The following RSBN1L variants were observed in gnomAD, a reference collection of about 807,000 sequenced individuals.
RSBN1L encodes the protein lysine-specific demethylase RSBN1L.
RSBN1L carries 30 observed loss-of-function variants against 67.7 expected under a neutral mutation model. The ratio of observed to expected loss-of-function variants is 0.44; its 90% CI spans 0.33 to 0.60. The LOEUF is 0.60. RSBN1L is among the 20% of genes least tolerant of loss of function. The pLI, the probability that RSBN1L is intolerant of heterozygous loss-of-function variation, is 0.02. For synonymous variants in RSBN1L, 433 were observed against 387.0 expected (o/e 1.12, Z -1.39); for missense variants, 992 against 1,031.7 (o/e 0.96, Z 0.53).
At chr7:77,718,841 C>T (rs987152011) in intron 1 of RSBN1L, among the ~76,000 whole-genome samples, 1 of 152,168 alleles carries the variant, frequency 6.6e-6, no homozygotes, top group Admixed American at 6.5e-5. Context: ...CTCTGCTTCA[C>T]GCAGTGTTGA....
intron 1 of RSBN1L, among the ~76,000 whole-genome samples, chr7:77,722,382 A>C (rs1791131022): frequency 6.6e-6 from 1 of 152,126 alleles, no homozygotes; most frequent in Non-Finnish European, 1.5e-5. Context: ...TATGAGAATG[A>C]GGGAGGAGTC....
chr7:77,754,377 G>A (rs151322298), intron 3 of RSBN1L, among the ~76,000 whole-genome samples: 3 of 152,110 alleles, frequency 2.0e-5, no homozygotes, highest in Non-Finnish European at 4.4e-5. Flanking sequence ...GGGTAGAATC[G>A]ATGCCTTTAC....
chr7:77,735,925 A>G (rs922073890), intron 1 of RSBN1L, among the ~76,000 whole-genome samples: 3 of 152,132 alleles, frequency 2.0e-5, no homozygotes, highest in Non-Finnish European at 4.4e-5. Context: ...AGTCTTATGT[A>G]TGCCAGGCTC....
At chr7:77,767,820 TCCC>T (rs1183430485) in intron 4 of RSBN1L, among the ~76,000 whole-genome samples, 15 of 27,898 alleles carry the variant, frequency 5.4e-4, no homozygotes, top group African/African-American at 1.9e-3. Flanking sequence ...CTCTGCCCCC[TCCC>T]CCCTTCTCCC....
intron 6 of RSBN1L, among the ~76,000 whole-genome samples, chr7:77,777,423 T>C (rs1040796084): frequency 1.6e-4 from 25 of 152,202 alleles, no homozygotes; most frequent in African/African-American, 5.5e-4. Context: ...TGTTATGCTG[T>C]TTTCTCGGTG....
At chr7:77,734,011 C>T (rs1406041700) in intron 1 of RSBN1L, among the ~76,000 whole-genome samples, 2 of 152,164 alleles carry the variant, frequency 1.3e-5, no homozygotes, top group African/African-American at 4.8e-5. Flanking sequence ...CCTGTAATCC[C>T]ATTTACTTGG....
In RSBN1L at chr7:77,782,123, A is replaced by G. The variant is rs1792007896; in HGVS notation, c.*2955A>G. ...AATTTTCACATCCTCTTCAGATACA[A>G]TCTGAGAACTTGTTGACTACCTTTG... On this transcript the variant is annotated 3_prime_UTR_variant, in exon 8 of 8. Coordinates refer to ENST00000334955, the MANE Select transcript of RSBN1L (RefSeq NM_198467.3). The G allele has an allele frequency of 6.6e-6, 1 of 152,132 alleles. No individual in the cohort carries two copies. The highest frequency in any genetic ancestry group is 1.5e-5 in the Non-Finnish European group (1 of 68,008). The allele number at this position is 152,132 out of a possible 1,614,324, so 9.4% of individuals were successfully genotyped here.
chr7:77,758,376 A>T (rs112029037), intron 3 of RSBN1L, among the ~76,000 whole-genome samples: 2 of 152,156 alleles, frequency 1.3e-5, no homozygotes, highest in African/African-American at 4.8e-5. Flanking sequence ...TACATAGTAG[A>T]TGTATATATT....
At chr7:77,771,990 T>C (rs6465816) in intron 5 of RSBN1L, among the ~76,000 whole-genome samples, 86,864 of 151,926 alleles carry the variant, frequency 0.57, 26,764 homozygotes, top group African/African-American at 0.82. Context: ...ATGGTATATA[T>C]GATAATAATA....
intron 3 of RSBN1L, among the ~76,000 whole-genome samples, chr7:77,753,646 T>C (rs1407914749): frequency 6.6e-6 from 1 of 152,244 alleles, no homozygotes; most frequent in Non-Finnish European, 1.5e-5. Context: ...CCATTTATGA[T>C]AACTGTTTCT....
At chr7:77,743,353 C>A (rs1005745000) in intron 2 of RSBN1L, among the ~76,000 whole-genome samples, 1 of 151,990 alleles carries the variant, frequency 6.6e-6, no homozygotes, top group Non-Finnish European at 1.5e-5. Context: ...AATCCCAGCA[C>A]TTTGGGAGGC....
intron 1 of RSBN1L, among the ~76,000 whole-genome samples, chr7:77,733,514 A>G (rs558343689): frequency 6.6e-6 from 1 of 152,336 alleles, no homozygotes; most frequent in South Asian, 2.1e-4. Flanking sequence ...TTCCTGTGTT[A>G]TGAAATTAAT....
At chr7:77,759,971 T>G (rs760710970) in intron 3 of RSBN1L, among the ~76,000 whole-genome samples, 5 of 152,210 alleles carry the variant, frequency 3.3e-5, no homozygotes, top group Non-Finnish European at 5.9e-5. Context: ...GGAACATGTT[T>G]TGGGAAACAG....
Position 77,697,593 on chromosome 7 carries a change from C to T in RSBN1L, c.586+538C>T, listed in dbSNP as rs147849250. On this transcript the variant is annotated intron_variant, in intron 1 of 7. Coordinates refer to ENST00000334955, the MANE Select transcript of RSBN1L (RefSeq NM_198467.3). ...TAGGGAAATGAGGTAGCGTGCAGGG[C>T]CCGAAGTGCGCTGTTTCGTAAGGTA... Among the ~76,000 whole-genome samples, 465 of 152,206 alleles carry T rather than the reference C, an allele frequency of 3.1e-3. 2 individuals are homozygous for T. The highest frequency in any genetic ancestry group is 5.4e-3 in the South Asian group (26 of 4,822).
chr7:77,705,985 C>T (rs1036761689), intron 1 of RSBN1L, among the ~76,000 whole-genome samples: 2 of 151,840 alleles, frequency 1.3e-5, no homozygotes, highest in African/African-American at 4.8e-5. Flanking sequence ...ACTGTAACCT[C>T]CACCTCCCAG....
intron 3 of RSBN1L, among the ~76,000 whole-genome samples, chr7:77,755,620 T>C (rs926288757): frequency 6.6e-6 from 1 of 151,998 alleles, no homozygotes; most frequent in African/African-American, 2.4e-5. Flanking sequence ...TGAACCGAGA[T>C]CGCGCCATTG....
In RSBN1L at chr7:77,749,818, T is replaced by C; in HGVS notation, c.1098T>C (p.Ser366=). 6.2e-7 allele frequency: 1 copy of C among 1,614,188 alleles called. No individual in the cohort carries two copies. Among genetic ancestry groups the C allele is most frequent in the Non-Finnish European group, 8.5e-7 (1 of 1,180,024 alleles). Residue 366 remains serine, a synonymous_variant, in exon 3 of 8, where the codon AGT becomes AGC. Coordinates refer to ENST00000334955, the MANE Select transcript of RSBN1L (RefSeq NM_198467.3). ...NGGASVIHAY[S]NELSHLSPME... is the part of the protein sequence containing the mutation. ...GTGCATCGGTTATCCATGCCTACAGTAACGAACTCTCCCACCTGTCTCCTA... is the reference window on the plus strand; with the variant it reads ...GTGCATCGGTTATCCATGCCTACAGCAACGAACTCTCCCACCTGTCTCCTA...
chr7:77,741,248 A>G (rs1300367148), intron 2 of RSBN1L, among the ~76,000 whole-genome samples: 1 of 151,220 alleles, frequency 6.6e-6, no homozygotes, highest in Non-Finnish European at 1.5e-5. Context: ...CAGCCTCCCA[A>G]AGTGCTGGGA....
chr7:77,768,845 G>A, intron 5 of RSBN1L, 42 bp downstream of exon 5: 2 of 1,575,998 alleles, frequency 1.3e-6, no homozygotes, highest in Non-Finnish European at 1.7e-6. Context: ...ATGAGTGTTT[G>A]TATGTTGGGG....
Sources: allele counts gnomAD v4.1 joint callset (sites outside exome capture counted in the v4.1 genomes callset), GRCh38; gene constraint gnomAD v4.1.1; transcripts MANE v1.5; gene names NCBI Gene and HGNC (gene_info 2026-07-23, HGNC 2026-07-21).